Variants in PTPRT observed in about 807,000 individuals in gnomAD.
PTPRT encodes the protein protein tyrosine phosphatase receptor type T.
PTPRT carries 56 observed loss-of-function variants against 176.8 expected under a neutral mutation model. That is an observed-to-expected ratio of 0.32 (90% CI 0.26 to 0.40). The LOEUF is 0.40. Among genes scored for constraint, PTPRT ranks in the 10% least tolerant of loss-of-function variants. The pLI is 1.00. For missense variants in PTPRT, 1,540 were observed against 1,908.2 expected (o/e 0.81, Z 3.60); for synonymous variants, 783 against 739.0 (o/e 1.06, Z -0.96).
chr20:42,868,889 G>C (rs2078796424), intron 2 of PTPRT, among the ~76,000 whole-genome samples: 1 of 152,162 alleles, frequency 6.6e-6, no homozygotes, highest in South Asian at 2.1e-4. Context: ...TCAAGTCTCT[G>C]CTTACTGAAT....
intron 17 of PTPRT, among the ~76,000 whole-genome samples, chr20:42,147,365 C>T (rs914197545): frequency 6.6e-6 from 1 of 152,196 alleles, no homozygotes; most frequent in African/African-American, 2.4e-5. Flanking sequence ...GGATCCATAG[C>T]ATCTATCACT....
At chr20:42,913,202 A>G (rs751204148) in intron 1 of PTPRT, among the ~76,000 whole-genome samples, 12 of 152,210 alleles carry the variant, frequency 7.9e-5, no homozygotes, top group African/African-American at 2.4e-5. Context: ...GTGTTATAAC[A>G]AAGTGCCACA....
intron 2 of PTPRT, among the ~76,000 whole-genome samples, chr20:42,841,523 AAAATTC>A (rs2078276721): frequency 6.6e-6 from 1 of 152,012 alleles, no homozygotes; most frequent in South Asian, 2.1e-4. Context: ...GAGGCATATC[AAAATTC>A]ATACCATGGG....
At position 43,123,846 on chromosome 20, in the gene PTPRT, T is replaced by C. The variant is rs140453708; in HGVS notation, c.88+65800A>G. 2.5e-4 allele frequency among the ~76,000 whole-genome samples: 38 copies of C among 152,306 alleles called. No individual in the cohort carries two copies. In the East Asian group the frequency reaches 6.9e-3, roughly 28 times the overall value. On this transcript the variant is annotated intron_variant, in intron 1 of 30. Transcript: ENST00000373187. ...ATATCTTAAGGCAAGTCACTTCAGTTCCTGAGGCTCGGTTTCCCCATCTGT... is the reference window on the plus strand; with the variant it reads ...ATATCTTAAGGCAAGTCACTTCAGTCCCTGAGGCTCGGTTTCCCCATCTGT...
At chr20:42,379,022 GC>G (rs1568827337) in intron 9 of PTPRT, among the ~76,000 whole-genome samples, 1 of 152,208 alleles carries the variant, frequency 6.6e-6, no homozygotes, top group Non-Finnish European at 1.5e-5. Context: ...CTTCTACCGT[GC>G]CCCCACAGCT....
chr20:43,172,072 G>A, intron 1 of PTPRT, among the ~76,000 whole-genome samples: 1 of 152,132 alleles, frequency 6.6e-6, no homozygotes, highest in South Asian at 2.1e-4. Flanking sequence ...ACCTCACTGA[G>A]GCTTCCCACT....
intron 11 of PTPRT, among the ~76,000 whole-genome samples, chr20:42,332,373 C>T (rs1038636212): frequency 2.2e-4 from 33 of 151,966 alleles, no homozygotes; most frequent in African/African-American, 7.5e-4. Context: ...CCACGCCTGG[C>T]TAATTTTTTT....
intron 19 of PTPRT, among the ~76,000 whole-genome samples, chr20:42,121,975 T>C (rs2146337558): frequency 6.6e-6 from 1 of 152,198 alleles, no homozygotes; most frequent in East Asian, 1.9e-4. Flanking sequence ...TGTGTACATA[T>C]GGATGTAAAG....
At chr20:42,516,803 T>C (rs1166467091) in intron 7 of PTPRT, among the ~76,000 whole-genome samples, 1 of 152,174 alleles carries the variant, frequency 6.6e-6, no homozygotes, top group African/African-American at 2.4e-5. Flanking sequence ...TTAATATTTC[T>C]TATTATAGAA....
chr20:42,099,712 G>T (rs1985737920), intron 26 of PTPRT, among the ~76,000 whole-genome samples: 1 of 152,140 alleles, frequency 6.6e-6, no homozygotes, highest in African/African-American at 2.4e-5. Context: ...TTCTGTGGGA[G>T]TTACAGCTGT....
chr20:42,984,308 A>C (rs1030763306), intron 1 of PTPRT, among the ~76,000 whole-genome samples: 1 of 152,240 alleles, frequency 6.6e-6, no homozygotes, highest in Non-Finnish European at 1.5e-5. Context: ...TGGAATTGAC[A>C]GACCATATAA....
At chr20:42,840,384 C>T (rs184533016) in intron 2 of PTPRT, among the ~76,000 whole-genome samples, 13 of 152,160 alleles carry the variant, frequency 8.5e-5, no homozygotes, top group Admixed American at 7.8e-4. Flanking sequence ...AAGGCTTCAA[C>T]ACATCTTTTT....
chr20:42,273,427 C>G (rs532460047), intron 13 of PTPRT, among the ~76,000 whole-genome samples: 4 of 152,250 alleles, frequency 2.6e-5, no homozygotes, highest in African/African-American at 9.6e-5. Context: ...GTTGGCCAGG[C>G]TATTCTCGAA....
intron 7 of PTPRT, among the ~76,000 whole-genome samples, chr20:42,669,221 C>A (rs1348700428): frequency 6.6e-6 from 1 of 152,116 alleles, no homozygotes; most frequent in Non-Finnish European, 1.5e-5. Context: ...TGGTCATAAT[C>A]CATCTTCTGT....
intron 1 of PTPRT, among the ~76,000 whole-genome samples, chr20:42,982,748 T>C (rs994083424): frequency 2.0e-5 from 3 of 152,142 alleles, no homozygotes; most frequent in African/African-American, 7.2e-5. Flanking sequence ...CCTCCATCCC[T>C]CTGCTCCTCT....
chr20:42,212,837 T>C (rs1233564593), intron 15 of PTPRT, among the ~76,000 whole-genome samples: 2 of 152,352 alleles, frequency 1.3e-5, no homozygotes, highest in East Asian at 3.9e-4. Flanking sequence ...TTATTAAATA[T>C]GAATACTTTG....
At chr20:42,123,705 G>T (rs776589486) in intron 19 of PTPRT, among the ~76,000 whole-genome samples, 1 of 152,128 alleles carries the variant, frequency 6.6e-6, no homozygotes, top group Admixed American at 6.6e-5. Flanking sequence ...CTTAGCACTG[G>T]CCATTCCCCG....
chr20:42,573,473 T>C lies in PTPRT; in HGVS notation c.1154-100911A>G, dbSNP rs139864007. On this transcript the variant is annotated intron_variant, in intron 7 of 30. Coordinates refer to ENST00000373187, the MANE Select transcript of PTPRT (RefSeq NM_007050.6). ...GCAATAAAGAGGGGGCATTAGACAGTGTTGTGGTGAGAATAAGCTGGCATC... is the reference window on the plus strand; with the variant it reads ...GCAATAAAGAGGGGGCATTAGACAGCGTTGTGGTGAGAATAAGCTGGCATC... Among the ~76,000 whole-genome samples, 283 of 152,208 alleles carry C rather than the reference T, an allele frequency of 1.9e-3. 2 individuals carry two copies. Among genetic ancestry groups the C allele is most frequent in the South Asian group, 0.013 (63 of 4,818 alleles).
intron 17 of PTPRT, among the ~76,000 whole-genome samples, chr20:42,155,967 T>G (rs1456958339): frequency 6.6e-6 from 1 of 152,206 alleles, no homozygotes; most frequent in Non-Finnish European, 1.5e-5. Context: ...AACACTCATC[T>G]TTTGCTTCAT....
Sources: allele counts gnomAD v4.1 joint callset (sites outside exome capture counted in the v4.1 genomes callset), GRCh38; gene constraint gnomAD v4.1.1; transcripts MANE v1.5; gene names NCBI Gene and HGNC (gene_info 2026-07-23, HGNC 2026-07-21).